The following ATG10 variants were observed in gnomAD, a reference collection of about 807,000 sequenced individuals.
ATG10 encodes the protein autophagy related 10, also known as ubiquitin-like-conjugating enzyme ATG10.
Under a neutral mutation model 32.1 loss-of-function variants are expected in ATG10, and 30 were observed. The observed-to-expected ratio is 0.94, with a 90% CI of 0.70 to 1.27. ATG10 has a LOEUF of 1.27. Ranked by LOEUF, ATG10 falls within the 50% of genes most tolerant of loss-of-function variation. The pLI is 0.00. For missense variants in ATG10, 233 were observed against 262.3 expected, an observed-to-expected ratio of 0.89 and a Z score of 0.77; for synonymous variants, 87 against 91.5, an observed-to-expected ratio of 0.95 and a Z score of 0.28.
chr5:82,019,490 A>G (rs1274223560), intron 2 of ATG10, among the ~76,000 whole-genome samples: 1 of 152,184 alleles, frequency 6.6e-6, no homozygotes, highest in Admixed American at 6.5e-5. Flanking sequence ...TTGGATTGCT[A>G]TGAATAATCT....
chr5:81,978,451 G>A (rs1760931656), intron 1 of ATG10, among the ~76,000 whole-genome samples: 1 of 152,168 alleles, frequency 6.6e-6, no homozygotes, highest in African/African-American at 2.4e-5. Flanking sequence ...CTTGGCATAT[G>A]TGCTGACTAG....
chr5:82,173,724 T>A (rs1053331756), intron 4 of ATG10, among the ~76,000 whole-genome samples: 1 of 152,174 alleles, frequency 6.6e-6, no homozygotes, highest in Non-Finnish European at 1.5e-5. Context: ...TGCGATTGAG[T>A]ATCTTGGATC....
chr5:82,068,922 AT>A lies in ATG10; in HGVS notation c.216+10333del, dbSNP rs1333298656. On this transcript the variant is annotated intron_variant, in intron 3 of 7. Transcript: ENST00000282185. ...CTTAGAACTCTTTTCTGCCCCTTTG[AT>A]TTTTTTTTTTTTGAAGCCAGTAGAA... 3.7e-3 allele frequency among the ~76,000 whole-genome samples: 536 copies of A among 143,858 alleles called. 2 individuals carry two copies. Among genetic ancestry groups the A allele is most frequent in the African/African-American group, 8.5e-3 (339 of 39,676 alleles). 94.4% of individuals were successfully genotyped at this position (143,858 alleles called of 152,430 possible). A position where few individuals can be genotyped will look rare whatever the true frequency, so the allele number is the denominator to read the frequency against.
intron 3 of ATG10, among the ~76,000 whole-genome samples, chr5:82,113,325 C>T (rs1180718662): frequency 6.6e-6 from 1 of 151,780 alleles, no homozygotes; most frequent in African/African-American, 2.4e-5. Context: ...TGAGTCAATG[C>T]TAAGAAGCAA....
intron 5 of ATG10, among the ~76,000 whole-genome samples, chr5:82,244,693 C>G (rs1295747851): frequency 6.6e-6 from 1 of 152,110 alleles, no homozygotes; most frequent in Admixed American, 6.6e-5. Context: ...AGAAATGAAC[C>G]AAGTAACTCA....
At chr5:82,204,877 T>G (rs1187310029) in intron 5 of ATG10, among the ~76,000 whole-genome samples, 2 of 152,068 alleles carry the variant, frequency 1.3e-5, no homozygotes, top group Non-Finnish European at 2.9e-5. Flanking sequence ...GGAATAGAAA[T>G]GTAGAATTGG....
chr5:82,213,667 T>C (rs1745573646), intron 5 of ATG10, among the ~76,000 whole-genome samples: 1 of 152,200 alleles, frequency 6.6e-6, no homozygotes, highest in African/African-American at 2.4e-5. Context: ...GCCAACTCCA[T>C]GCATATTCCT....
intron 2 of ATG10, among the ~76,000 whole-genome samples, chr5:81,989,447 G>A (rs982761588): frequency 8.5e-5 from 13 of 152,268 alleles, no homozygotes; most frequent in African/African-American, 3.1e-4. Context: ...GGGTCGATGT[G>A]TTGTGGTAGA....
At chr5:82,151,320 G>A (rs1767584921) in intron 3 of ATG10, among the ~76,000 whole-genome samples, 1 of 152,098 alleles carries the variant, frequency 6.6e-6, no homozygotes, top group South Asian at 2.1e-4. Flanking sequence ...CCAAAGTGCT[G>A]GTATTACAGA....
At chr5:82,064,809 A>G (rs1763888568) in intron 3 of ATG10, among the ~76,000 whole-genome samples, 1 of 152,196 alleles carries the variant, frequency 6.6e-6, no homozygotes, top group Non-Finnish European at 1.5e-5. Flanking sequence ...ATTATAATAA[A>G]GACAGCAGCC....
At chr5:82,175,198 A>C (rs1045086361) in intron 4 of ATG10, among the ~76,000 whole-genome samples, 2 of 152,216 alleles carry the variant, frequency 1.3e-5, no homozygotes, top group Non-Finnish European at 1.5e-5. Context: ...AGAAGAAAAT[A>C]GTGCTTATTC....
chr5:82,087,677 A>G (rs1376476832), intron 3 of ATG10, among the ~76,000 whole-genome samples: 1 of 152,128 alleles, frequency 6.6e-6, no homozygotes, highest in Non-Finnish European at 1.5e-5. Context: ...ACTGGACACT[A>G]GTTTGATAGG....
At chr5:82,101,638 A>G (rs1401358572) in intron 3 of ATG10, among the ~76,000 whole-genome samples, 1 of 152,166 alleles carries the variant, frequency 6.6e-6, no homozygotes, top group Non-Finnish European at 1.5e-5. Context: ...AAATATAGAG[A>G]AGAATTTCCT....
intron 5 of ATG10, among the ~76,000 whole-genome samples, chr5:82,185,049 A>G (rs981117130): frequency 1.3e-5 from 2 of 152,234 alleles, no homozygotes; most frequent in Non-Finnish European, 2.9e-5. Flanking sequence ...TCAAATTTCC[A>G]AACCACAAGA....
At chr5:82,089,869 G>A (rs1464610083) in intron 3 of ATG10, among the ~76,000 whole-genome samples, 1 of 151,918 alleles carries the variant, frequency 6.6e-6, no homozygotes, top group Non-Finnish European at 1.5e-5. Context: ...CTAGTACTGA[G>A]AGTATATAAA....
chr5:82,008,960 A>G (rs1270276276), intron 2 of ATG10, among the ~76,000 whole-genome samples: 1 of 152,242 alleles, frequency 6.6e-6, no homozygotes, highest in African/African-American at 2.4e-5. Flanking sequence ...TCTCAGCATG[A>G]TAGCTCATTT....
intron 5 of ATG10, among the ~76,000 whole-genome samples, chr5:82,186,775 T>G (rs1744462270): frequency 6.6e-6 from 1 of 151,948 alleles, no homozygotes; most frequent in Non-Finnish European, 1.5e-5. Context: ...AGAGAAAAGG[T>G]TTCTCCCCAT....
chr5:82,224,958 A>T (rs1424303808), intron 5 of ATG10, among the ~76,000 whole-genome samples: 1 of 152,190 alleles, frequency 6.6e-6, no homozygotes. Context: ...TGTATTATAA[A>T]CTACAAACTT....
chr5:81,987,441 G>A (rs1054867815), intron 1 of ATG10, 118 bp from the exon 2 acceptor site: 4 of 684,872 alleles, frequency 5.8e-6, no homozygotes, highest in Non-Finnish European at 9.8e-6. Context: ...ATTTTTTAGT[G>A]GCCTTGAGGC....
Sources: gnomAD v4.1 joint callset for allele counts (sites outside exome capture counted in the v4.1 genomes callset) on GRCh38, gnomAD v4.1.1 for gene constraint, MANE v1.5 for transcripts, NCBI Gene and HGNC (gene_info 2026-07-23, HGNC 2026-07-21) for gene names.